The following DCC variants were observed in gnomAD, a reference collection of about 807,000 sequenced individuals.
The protein encoded by DCC is netrin receptor DCC.
DCC carries 58 observed loss-of-function variants against 172.5 expected under a neutral mutation model. The observed-to-expected ratio is 0.34, with a 90% CI of 0.27 to 0.42. The LOEUF is 0.42. Ranked by LOEUF, DCC falls within the 10% of genes least tolerant of loss-of-function variation. The probability of loss-of-function intolerance (pLI) is 1.00; values close to 1 mark genes in which losing one functional copy is unlikely to be tolerated. For synonymous variants in DCC, 709 were observed against 644.5 expected, an observed-to-expected ratio of 1.10 and a Z score of -1.52; for missense variants, 1,740 against 1,791.0, an observed-to-expected ratio of 0.97 and a Z score of 0.51.
At chr18:52,879,928 G>C (rs147376705) in intron 2 of DCC, among the ~76,000 whole-genome samples, 2 of 151,984 alleles carry the variant, frequency 1.3e-5, no homozygotes, top group East Asian at 3.9e-4. Context: ...TATATTTATG[G>C]GGTGCATGAG....
intron 7 of DCC, among the ~76,000 whole-genome samples, chr18:53,151,621 C>A (rs2043996546): frequency 6.6e-6 from 1 of 151,806 alleles, no homozygotes; most frequent in Non-Finnish European, 1.5e-5. Flanking sequence ...TAAAAGCATA[C>A]AATGTTATCT....
intron 5 of DCC, among the ~76,000 whole-genome samples, chr18:53,009,271 G>A (rs1394679323): frequency 6.6e-6 from 1 of 151,824 alleles, no homozygotes; most frequent in Non-Finnish European, 1.5e-5. Flanking sequence ...ATTATTTTCT[G>A]ATGCTTGAAA....
chr18:52,794,081 T>C (rs1444834493), intron 2 of DCC, among the ~76,000 whole-genome samples: 1 of 152,212 alleles, frequency 6.6e-6, no homozygotes, highest in Non-Finnish European at 1.5e-5. Flanking sequence ...TTAGGTAGTA[T>C]GATGCTTCTA....
intron 10 of DCC, 33 bp from the exon 11 acceptor site, chr18:53,207,646 C>T (rs1020590861): frequency 6.2e-7 from 1 of 1,605,592 alleles, no homozygotes; most frequent in Non-Finnish European, 8.5e-7. Context: ...AATGTGCTTC[C>T]TTGATAACAG....
At chr18:53,362,300 G>C (rs1012698275) in intron 15 of DCC, among the ~76,000 whole-genome samples, 1 of 152,124 alleles carries the variant, frequency 6.6e-6, no homozygotes, top group Non-Finnish European at 1.5e-5. Flanking sequence ...AAGAATATTT[G>C]GTAATGAGTG....
chr18:52,598,802 T>C (rs927066184), intron 1 of DCC, among the ~76,000 whole-genome samples: 4 of 152,102 alleles, frequency 2.6e-5, no homozygotes, highest in Non-Finnish European at 5.9e-5. Context: ...AGGCTGGAAG[T>C]CCAAGATCAA....
At chr18:52,920,087 C>T (rs1159171590) in intron 3 of DCC, among the ~76,000 whole-genome samples, 1 of 148,978 alleles carries the variant, frequency 6.7e-6, no homozygotes, top group Non-Finnish European at 1.5e-5. Flanking sequence ...GACCGTAAAC[C>T]TAAATTCAAA....
intron 5 of DCC, among the ~76,000 whole-genome samples, chr18:52,930,427 T>TACAAAA (rs538450814): frequency 6.6e-6 from 1 of 152,154 alleles, no homozygotes; most frequent in Non-Finnish European, 1.5e-5. Context: ...ATCCTGTATC[T>TACAAAA]ACAAAAACAA....
chr18:53,137,696 A>C (rs1052265669), intron 7 of DCC, among the ~76,000 whole-genome samples: 1 of 152,152 alleles, frequency 6.6e-6, no homozygotes, highest in Non-Finnish European at 1.5e-5. Context: ...TTTATAGAGG[A>C]CCCTTGAAAT....
At chr18:53,397,181 C>A in intron 17 of DCC, 127 bp from the exon 18 acceptor site, 1 of 829,884 alleles carries the variant, frequency 1.2e-6, no homozygotes, top group Non-Finnish European at 2.0e-6. Context: ...GTGCTATGCT[C>A]TACTCCTCTG....
chr18:53,452,744 A>C (rs1436353423), intron 23 of DCC, among the ~76,000 whole-genome samples: 2 of 152,190 alleles, frequency 1.3e-5, no homozygotes, highest in Non-Finnish European at 2.9e-5. Flanking sequence ...AAAGTCTTTT[A>C]ATAGTTACTT....
chr18:52,407,211 C>T (rs1986683690), intron 1 of DCC, among the ~76,000 whole-genome samples: 1 of 152,038 alleles, frequency 6.6e-6, no homozygotes, highest in African/African-American at 2.4e-5. Context: ...AGTCCTGAGT[C>T]TATCCTACAG....
chr18:53,427,589 C>G (rs1261424045), intron 21 of DCC, among the ~76,000 whole-genome samples: 2 of 151,462 alleles, frequency 1.3e-5, no homozygotes, highest in Non-Finnish European at 2.9e-5. Flanking sequence ...TAGTTATTGT[C>G]ACATAGGTTA....
At chr18:53,203,305 G>A (rs1420636772) in intron 9 of DCC, among the ~76,000 whole-genome samples, 1 of 151,194 alleles carries the variant, frequency 6.6e-6, no homozygotes, top group Non-Finnish European at 1.5e-5. Flanking sequence ...GTTGACAATA[G>A]GTAAGTCTGG....
intron 1 of DCC, among the ~76,000 whole-genome samples, chr18:52,370,566 G>T (rs1985075405): frequency 6.6e-6 from 1 of 152,124 alleles, no homozygotes; most frequent in African/African-American, 2.4e-5. Context: ...CCTGTCAGGG[G>T]TGTGGGGGCA....
chr18:52,580,006 A>G (rs2033506714), intron 1 of DCC, among the ~76,000 whole-genome samples: 1 of 152,216 alleles, frequency 6.6e-6, no homozygotes, highest in African/African-American at 2.4e-5. Flanking sequence ...TGTATTGGAC[A>G]TATGCTTTTG....
intron 12 of DCC, among the ~76,000 whole-genome samples, chr18:53,232,575 T>C (rs1316841181): frequency 6.6e-6 from 1 of 152,172 alleles, no homozygotes; most frequent in African/African-American, 2.4e-5. Flanking sequence ...TATCTTACAT[T>C]AACCCCACTG....
At chr18:52,981,079 T>C (rs1302011096) in intron 5 of DCC, among the ~76,000 whole-genome samples, 2 of 152,102 alleles carry the variant, frequency 1.3e-5, no homozygotes, top group Non-Finnish European at 2.9e-5. Context: ...ACTCTCTGGA[T>C]TTTGAGAAAT....
chr18:52,638,835 CTA>C (rs1835631418), intron 1 of DCC, among the ~76,000 whole-genome samples: 1 of 152,144 alleles, frequency 6.6e-6, no homozygotes, highest in South Asian at 2.1e-4. Flanking sequence ...TGGATTTAAA[CTA>C]TACCTTGGAA....
Sources: gnomAD v4.1 joint callset for allele counts (sites outside exome capture counted in the v4.1 genomes callset) on GRCh38, gnomAD v4.1.1 for gene constraint, MANE v1.5 for transcripts, NCBI Gene and HGNC (gene_info 2026-07-23, HGNC 2026-07-21) for gene names.